The following FGF17 variants were observed in gnomAD, a reference collection of about 807,000 sequenced individuals.
FGF17 encodes fibroblast growth factor 17.
A neutral mutation model predicts 23.5 loss-of-function variants in FGF17; 5 were observed. The observed-to-expected ratio is 0.21, with a 90% CI of 0.11 to 0.45. The LOEUF is 0.45. Among genes scored for constraint, FGF17 ranks in the 20% least tolerant of loss-of-function variants. The pLI is 0.99. For synonymous variants in FGF17, 136 were observed against 123.0 expected (o/e 1.11, Z -0.70); for missense variants, 221 against 306.9 (o/e 0.72, Z 2.09).
At chr8:22,044,263 GC>G (rs539512237) in intron 2 of FGF17, among the ~76,000 whole-genome samples, 40 of 152,152 alleles carry the variant, frequency 2.6e-4, no homozygotes, top group Middle Eastern at 3.4e-3. Context: ...CCCTTGAAGT[GC>G]CCCCTCACCC....
At chr8:22,044,263 G>A (rs1437511268) in intron 2 of FGF17, among the ~76,000 whole-genome samples, 1 of 152,036 alleles carries the variant, frequency 6.6e-6, no homozygotes, top group Non-Finnish European at 1.5e-5. Flanking sequence ...CCCTTGAAGT[G>A]CCCCCTCACC....
chr8:22,046,502 G>T lies in FGF17; in HGVS notation c.251-25G>T, dbSNP rs774492997. The T allele has an allele frequency of 1.7e-5, 27 of 1,591,582 alleles. 1 individual carries two copies. Among genetic ancestry groups the T allele is most frequent in the Admixed American group, 6.8e-5 (4 of 58,712 alleles). ...AGGCCGGCAGCCCCGATGGACGGAG[G>T]TCTTTCTCCCCTCCCCCACCACAGC... On this transcript the variant is annotated intron_variant, in intron 3 of 4. Coordinates refer to ENST00000359441, the MANE Select transcript of FGF17 (RefSeq NM_003867.4).
chr8:22,044,180 G>A (rs1279930368), intron 2 of FGF17, among the ~76,000 whole-genome samples: 1 of 152,074 alleles, frequency 6.6e-6, no homozygotes, highest in African/African-American at 2.4e-5. Context: ...ACAATGGTGC[G>A]GCTGGCCGGG....
intron 4 of FGF17, 131 bp downstream of exon 4, chr8:22,046,764 C>A (rs902962443): frequency 2.1e-5 from 14 of 656,022 alleles, no homozygotes; most frequent in Non-Finnish European, 3.2e-5. Flanking sequence ...CTACTCTCAG[C>A]CCACCCACTG....
chr8:22,045,077 C>T (rs745698284), intron 2 of FGF17: 9 of 985,376 alleles, frequency 9.1e-6, no homozygotes, highest in African/African-American at 1.7e-5. Flanking sequence ...TAGCCCGGGT[C>T]GCACCTTGCA....
chr8:22,044,657 C>T (rs1800823019), intron 2 of FGF17: 10 of 985,210 alleles, frequency 1.0e-5, no homozygotes, highest in South Asian at 9.4e-5. Context: ...GGGCAGGTCC[C>T]CCACCCCAAA....
chr8:22,044,964 A>C (rs1800831419), intron 2 of FGF17: 1 of 985,670 alleles, frequency 1.0e-6, no homozygotes, highest in Non-Finnish European at 1.2e-6. Context: ...GGGCTGAGAA[A>C]AGCTGTCCCA....
chr8:22,046,215 C>A lies in FGF17; in HGVS notation c.174C>A (p.Tyr58Ter), dbSNP rs1285713009. 6.2e-7 allele frequency: 1 copy of A among 1,613,992 alleles called. No individual in the cohort carries two copies. Among genetic ancestry groups the A allele is most frequent in the Non-Finnish European group, 8.5e-7 (1 of 1,180,060 alleles). The change falls in exon 3 of 5, where the codon TAC becomes TAA. Residue 58 changes from tyrosine (Y) to a stop codon, truncating the protein, a stop_gained. Transcript: ENST00000359441. LOFTEE classifies it high-confidence loss of function. ...GGCAGATCCGCGAGTACCAACTCTA[C>A]AGCAGGACCAGTGGCAAGCACGTGC... ...SRRQIREYQL[Y>*]SRTSGKHVQV...
At chr8:22,047,851 T>G (rs1177076385) in intron 4 of FGF17, 105 bp from the exon 5 acceptor site, 9 of 1,145,276 alleles carry the variant, frequency 7.9e-6, no homozygotes, top group Non-Finnish European at 1.1e-5. Context: ...CACGGCCCCG[T>G]TGTTCCCGTT....
At chr8:22,040,694 A>G (rs1371849909), upstream of FGF17, among the ~76,000 whole-genome samples, 2 of 152,230 alleles carry the variant, frequency 1.3e-5, no homozygotes, top group Admixed American at 6.5e-5. Context: ...CCCCATGGCC[A>G]GTGAGTCCCG....
At position 22,048,659 on chromosome 8, in the gene FGF17, T is replaced by G; in HGVS notation, c.*410T>G. 4.8e-6 allele frequency: 1 copy of G among 209,514 alleles called. No homozygotes were observed. The highest frequency in any genetic ancestry group is 9.4e-6 in the Non-Finnish European group (1 of 106,074). The allele number at this position is 209,514 out of a possible 1,614,324, so 13.0% of individuals were successfully genotyped here. ...CCCCAAACTCCTCCTGGCTAGACTG[T>G]AGGAAGGGACTTTTGTTTGTTTGTT... On this transcript the variant is annotated 3_prime_UTR_variant, in exon 5 of 5. Transcript: ENST00000359441. The surrounding 1 kb of genome is among the most constrained non-coding windows in gnomAD (Gnocchi z 6.9).
In FGF17 at chr8:22,046,108, G is replaced by T. The variant is rs780005002; in HGVS notation, c.73-6G>T. The T allele has an allele frequency of 4.4e-5, 71 of 1,613,972 alleles. No homozygotes were observed. The highest frequency in any genetic ancestry group is 3.3e-4 in the Middle Eastern group (2 of 6,084). Reference sequence around the variant, plus strand: ...TGACACTATTTTTCCCTTGGTAACCGCAAAGGGGGAGAATCACCCGTCTCC... The same window carrying T: ...TGACACTATTTTTCCCTTGGTAACCTCAAAGGGGGAGAATCACCCGTCTCC... On this transcript the variant is annotated splice_polypyrimidine_tract_variant and splice_region_variant and intron_variant, in intron 2 of 4. Transcript: ENST00000359441.
At chr8:22,046,767 AC>A in intron 4 of FGF17, 134 bp downstream of exon 4, 1 of 649,116 alleles carries the variant, frequency 1.5e-6, no homozygotes, top group Non-Finnish European at 2.7e-6. Context: ...CTCTCAGCCC[AC>A]CCACTGGGCC....
chr8:22,045,805 G>A lies in FGF17; in HGVS notation c.73-309G>A, dbSNP rs3176292. The A allele has an allele frequency of 0.22, 284,328 of 1,289,656 alleles. 31,904 individuals carry two copies. Among genetic ancestry groups the A allele is most frequent in the Admixed American group, 0.34 (10,034 of 29,722 alleles). The allele number at this position is 1,289,656 out of a possible 1,614,324, so 79.9% of individuals were successfully genotyped here. A position where few individuals can be genotyped will look rare whatever the true frequency, so the allele number is the denominator to read the frequency against. ...CCCGTGCACCTCCTTCATAGAATAC[G>A]AGGACGGGATAGAACCCTGAGGGCT... On this transcript the variant is annotated intron_variant, in intron 2 of 4. Transcript: ENST00000359441.
At chr8:22,046,461 C>A in intron 3 of FGF17, 66 bp from the exon 4 acceptor site, 2 of 1,458,700 alleles carry the variant, frequency 1.4e-6, no homozygotes, top group Non-Finnish European at 1.9e-6. Flanking sequence ...GCTGGGTGGT[C>A]CCCTGCTGTA....
intron 2 of FGF17, chr8:22,045,483 G>T: frequency 1.0e-6 from 1 of 990,112 alleles, no homozygotes; most frequent in Non-Finnish European, 1.2e-6. Context: ...AGGGGGCAAG[G>T]CCGGGAAGAA....
intron 2 of FGF17, chr8:22,045,102 A>T: frequency 1.0e-6 from 1 of 985,558 alleles, no homozygotes; most frequent in Non-Finnish European, 1.2e-6. Context: ...GGAGGGGAAG[A>T]AGTACTCAGT....
upstream of FGF17, among the ~76,000 whole-genome samples, chr8:22,040,076 C>T (rs1008582738): frequency 4.0e-4 from 61 of 151,976 alleles, no homozygotes; most frequent in Non-Finnish European, 7.9e-4. Context: ...CACCCTTCTT[C>T]CCTCCCCCTT....
At chr8:22,045,660 G>A (rs934156232) in intron 2 of FGF17, 16 of 1,067,820 alleles carry the variant, frequency 1.5e-5, no homozygotes, top group Non-Finnish European at 1.8e-5. Flanking sequence ...CCAGTGGGGA[G>A]GATGAGGAAG....
Sources: allele counts gnomAD v4.1 joint callset (sites outside exome capture counted in the v4.1 genomes callset), GRCh38; gene constraint gnomAD v4.1.1; non-coding constraint Gnocchi (gnomAD v3.1); transcripts MANE v1.5; gene names NCBI Gene and HGNC (gene_info 2026-07-23, HGNC 2026-07-21).